Variants in MAST4 observed in about 807,000 individuals in gnomAD.
MAST4 encodes microtubule associated serine/threonine kinase family member 4.
Under a neutral mutation model 162.7 loss-of-function variants are expected in MAST4, and 89 were observed. The observed-to-expected ratio is 0.55, with a 90% CI of 0.46 to 0.65. MAST4 has a LOEUF of 0.65. Ranked by LOEUF, MAST4 falls within the 30% of genes least tolerant of loss-of-function variation. The pLI is 0.00. For missense variants in MAST4, 3,153 were observed against 3,374.0 expected (o/e 0.93, Z 1.62); for synonymous variants, 1,479 against 1,361.1 (o/e 1.09, Z -1.91).
chr5:67,152,283 TTAAAA>T (rs768322530), intron 24 of MAST4, among the ~76,000 whole-genome samples: 4 of 152,246 alleles, frequency 2.6e-5, no homozygotes, highest in African/African-American at 2.4e-5. Flanking sequence ...ATTTCTTTAC[TTAAAA>T]TAAAACATTA....
intron 2 of MAST4, among the ~76,000 whole-genome samples, chr5:66,782,765 A>C (rs1404564494): frequency 1.3e-5 from 2 of 152,244 alleles, no homozygotes; most frequent in Non-Finnish European, 2.9e-5. Context: ...CTCACCTCTC[A>C]TACAACAAAT....
intron 3 of MAST4, among the ~76,000 whole-genome samples, chr5:66,817,122 C>T (rs570742735): frequency 2.6e-5 from 4 of 152,132 alleles, no homozygotes; most frequent in African/African-American, 4.8e-5. Flanking sequence ...ATGTGTCTTG[C>T]GACCCCATGA....
At chr5:66,773,030 C>T (rs528129484) in intron 2 of MAST4, among the ~76,000 whole-genome samples, 1 of 152,158 alleles carries the variant, frequency 6.6e-6, no homozygotes, top group Non-Finnish European at 1.5e-5. Flanking sequence ...TCCTGTCACT[C>T]GAGCATACCC....
chr5:67,020,873 C>T (rs1297069402), intron 4 of MAST4, among the ~76,000 whole-genome samples: 3 of 152,104 alleles, frequency 2.0e-5, no homozygotes, highest in Non-Finnish European at 2.9e-5. Flanking sequence ...TTTTGTGTAC[C>T]GACCTTTATT....
rs774262316 is a variant in MAST4 at position 67,166,682 on chromosome 5, C to T, written c.7503C>T (p.Asp2501=). ...MLELPAPSNR[D]HRKAQPAGEG... is the part of the protein sequence containing the mutation. ...AGCTTCCAGCCCCCAGCAACAGGGA[C>T]CATAGGAAGGCTCAGCCTGCCGGGG... The change falls in exon 29 of 29, where the codon GAC becomes GAT. Residue 2501 remains aspartate, a synonymous_variant. Coordinates refer to ENST00000403625, the MANE Select transcript of MAST4 (RefSeq NM_001164664.2). 29 of 1,595,736 alleles carry T rather than the reference C, an allele frequency of 1.8e-5. No individual in the cohort carries two copies. The highest frequency in any genetic ancestry group is 2.3e-5 in the Non-Finnish European group (27 of 1,171,520).
chr5:67,026,125 G>T (rs1042719405), intron 4 of MAST4, among the ~76,000 whole-genome samples: 1 of 152,208 alleles, frequency 6.6e-6, no homozygotes, highest in Non-Finnish European at 1.5e-5. Flanking sequence ...CCTAGAGTTT[G>T]TAAGTGTTTT....
intron 4 of MAST4, among the ~76,000 whole-genome samples, chr5:66,953,748 A>G (rs1409828944): frequency 3.9e-5 from 6 of 152,102 alleles, no homozygotes; most frequent in African/African-American, 1.4e-4. Context: ...GCAGAAATTG[A>G]CCCTTGTCTC....
chr5:67,153,534 C>A lies in MAST4; in HGVS notation c.3602C>A (p.Pro1201Gln). ...GDLITHINGEPVHGLVHTEVI... is the reference protein window; with the variant it reads ...GDLITHINGEQVHGLVHTEVI... ...CTTATCACTCACATCAATGGAGAAC[C>A]AGTGCATGGACTTGTCCACACAGAA... is the stretch of plus-strand genomic sequence containing the variant. Residue 1201 changes from proline (P) to glutamine (Q), a missense_variant, in exon 26 of 29, where the codon CCA becomes CAA. Physicochemically the swap from Pro to Gln is moderately conservative, Grantham distance 76. Transcript: ENST00000403625. The A allele has an allele frequency of 6.3e-7, 1 of 1,599,372 alleles. No individual in the cohort carries two copies. The highest frequency in any genetic ancestry group is 1.7e-5 in the Admixed American group (1 of 57,954).
chr5:66,902,102 T>C (rs1378394423), intron 4 of MAST4, among the ~76,000 whole-genome samples: 3 of 152,210 alleles, frequency 2.0e-5, no homozygotes, highest in Admixed American at 1.3e-4. Flanking sequence ...CTTTGAAATC[T>C]TTTTATATCT....
chr5:67,060,942 T>A (rs59925543), intron 5 of MAST4, among the ~76,000 whole-genome samples: 2,775 of 152,298 alleles, frequency 0.018, 75 homozygotes, highest in African/African-American at 0.062. Context: ...CGTTTTAAAA[T>A]TTTAAGAGAG....
At chr5:66,963,624 G>A (rs1746289195) in intron 4 of MAST4, 1 of 760,632 alleles carries the variant, frequency 1.3e-6, no homozygotes, top group East Asian at 2.4e-5. Context: ...CTGGCCTAAA[G>A]GGAACACAGT....
chr5:66,609,071 T>TC (rs1554034693), intron 1 of MAST4, among the ~76,000 whole-genome samples: 4 of 146,934 alleles, frequency 2.7e-5, no homozygotes, highest in Non-Finnish European at 6.0e-5. Context: ...TTTTTTTTTT[T>TC]CCCTGTAAAT....
At chr5:66,947,664 T>A (rs559314029) in intron 4 of MAST4, among the ~76,000 whole-genome samples, 3 of 152,304 alleles carry the variant, frequency 2.0e-5, no homozygotes, top group African/African-American at 7.2e-5. Context: ...TCCTCCGACC[T>A]GCAAAGCATT....
chr5:67,021,215 CAG>C (rs1184200662), intron 4 of MAST4, among the ~76,000 whole-genome samples: 1 of 152,164 alleles, frequency 6.6e-6, no homozygotes, highest in African/African-American at 2.4e-5. Flanking sequence ...TGGTACAGGA[CAG>C]AACATGTTGA....
At chr5:66,906,590 C>T (rs1167966624) in intron 4 of MAST4, among the ~76,000 whole-genome samples, 4 of 152,126 alleles carry the variant, frequency 2.6e-5, no homozygotes. Context: ...ATTCATTCTG[C>T]TGGATCTTGG....
intron 4 of MAST4, among the ~76,000 whole-genome samples, chr5:66,918,738 C>A (rs1441647211): frequency 2.0e-5 from 3 of 151,824 alleles, no homozygotes; most frequent in Non-Finnish European, 4.4e-5. Flanking sequence ...TAGGTTCTAC[C>A]TATGTTTACT....
intron 4 of MAST4, among the ~76,000 whole-genome samples, chr5:66,908,909 G>T (rs140553426): frequency 6.6e-6 from 1 of 152,142 alleles, no homozygotes; most frequent in Non-Finnish European, 1.5e-5. Context: ...GAATATTATT[G>T]TGTCCTCAAA....
chr5:67,006,418 C>T (rs1346124944), intron 4 of MAST4, among the ~76,000 whole-genome samples: 1 of 152,210 alleles, frequency 6.6e-6, no homozygotes, highest in African/African-American at 2.4e-5. Flanking sequence ...ATGCACCAAA[C>T]CTCCAAGACA....
chr5:67,091,858 A>G (rs751781424), intron 6 of MAST4, among the ~76,000 whole-genome samples: 25 of 152,202 alleles, frequency 1.6e-4, no homozygotes, highest in Non-Finnish European at 2.8e-4. Flanking sequence ...CCGTGACAGG[A>G]GATTATCACA....
Sources: allele counts gnomAD v4.1 joint callset (sites outside exome capture counted in the v4.1 genomes callset), GRCh38; gene constraint gnomAD v4.1.1; transcripts MANE v1.5; gene names NCBI Gene and HGNC (gene_info 2026-07-23, HGNC 2026-07-21).